Variants in RBBP8 observed in about 807,000 individuals in gnomAD.
RBBP8 encodes RB binding protein 8, endonuclease.
In RBBP8, 88 loss-of-function variants were observed where a neutral mutation model predicts 108.3. That is an observed-to-expected ratio of 0.81 (90% CI 0.68 to 0.97). The LOEUF (loss-of-function observed/expected upper bound fraction) is 0.97, where lower values mean the gene tolerates loss of function less well. RBBP8 is among the 50% of genes least tolerant of loss of function. The pLI, the probability that RBBP8 is intolerant of heterozygous loss-of-function variation, is 0.00. For synonymous variants in RBBP8, 332 were observed against 348.2 expected (o/e 0.95, Z 0.52); for missense variants, 1,023 against 1,049.0 (o/e 0.98, Z 0.34).
intron 5 of RBBP8, among the ~76,000 whole-genome samples, chr18:22,973,799 G>T (rs1914298496): frequency 6.6e-6 from 1 of 152,000 alleles, no homozygotes; most frequent in Admixed American, 6.6e-5. Context: ...TTTGATGAAT[G>T]CCTTCCTGAT....
At position 22,982,335 on chromosome 18, in the gene RBBP8, C is replaced by G; in HGVS notation, c.546C>G (p.Pro182=). 3 of 1,614,142 alleles carry G rather than the reference C, an allele frequency of 1.9e-6. No individual in the cohort carries two copies. The highest frequency in any genetic ancestry group is 1.3e-5 in the African/African-American group (1 of 75,056). Residue 182 remains proline, a synonymous_variant, in exon 7 of 19, where the codon CCC becomes CCG. Transcript: ENST00000327155. ...GVNRLRRKEN[P]HVRYIEQTHT... ...ACCGGCTACGAAGAAAGGAGAACCC[C>G]CATGTCCGATACATAGAACAAACAC... is the stretch of plus-strand genomic sequence containing the variant.
At chr18:22,972,813 AT>A (rs931051343) in intron 5 of RBBP8, among the ~76,000 whole-genome samples, 2 of 152,138 alleles carry the variant, frequency 1.3e-5, no homozygotes, top group African/African-American at 4.8e-5. Context: ...CAAGCTAGAT[AT>A]TTTTTTAAAA....
intron 6 of RBBP8, among the ~76,000 whole-genome samples, chr18:22,978,508 T>G (rs958730853): frequency 2.0e-5 from 3 of 151,788 alleles, no homozygotes; most frequent in Non-Finnish European, 4.4e-5. Context: ...CTAGTTTTGT[T>G]TGTTTTTTTG....
In RBBP8 at chr18:23,008,995, G is replaced by C. The variant is rs560750768; in HGVS notation, c.2357+2563G>C. Among the ~76,000 whole-genome samples the C allele has an allele frequency of 2.6e-5, 4 of 151,994 alleles. 1 individual carries two copies. The South Asian group carries it at 8.3e-4, about 32-fold the overall frequency. The stretch of plus-strand genomic sequence containing the variant: ...TCACCGTGTTAGCCAGGATGGTCTC[G>C]ATCTCCTGACCTCGTGATCCACCCG... On this transcript the variant is annotated intron_variant, in intron 16 of 18. Transcript: ENST00000327155.
intron 2 of RBBP8, among the ~76,000 whole-genome samples, chr18:22,945,760 A>G (rs1445180568): frequency 6.6e-6 from 1 of 152,082 alleles, no homozygotes; most frequent in Non-Finnish European, 1.5e-5. Flanking sequence ...TTTGACTTAT[A>G]TTTAGTTGCT....
intron 17 of RBBP8, among the ~76,000 whole-genome samples, chr18:23,017,355 C>CAA (rs770526045): frequency 8.8e-5 from 8 of 90,622 alleles, no homozygotes; most frequent in African/African-American, 8.4e-5. Context: ...AACTTGGTCT[C>CAA]AAAAAAAAAA....
chr18:22,937,020 T>A, intron 2 of RBBP8, 60 bp downstream of exon 2: 1 of 1,604,442 alleles, frequency 6.2e-7, no homozygotes, highest in Non-Finnish European at 8.5e-7. Flanking sequence ...TGGCTTTGTA[T>A]ACCTTTGTAT....
intron 15 of RBBP8, among the ~76,000 whole-genome samples, chr18:23,006,130 G>C (rs1012787680): frequency 1.3e-5 from 2 of 151,706 alleles, no homozygotes; most frequent in African/African-American, 4.8e-5. Flanking sequence ...AGCTTGCAGT[G>C]AGCAGAGATT....
At chr18:22,997,565 T>C (rs2045880853) in intron 13 of RBBP8, 55 bp from the exon 14 acceptor site, 3 of 1,072,410 alleles carry the variant, frequency 2.8e-6, no homozygotes, top group South Asian at 1.4e-5. Flanking sequence ...AAATTAAATA[T>C]AAGACCATAA....
At chr18:22,982,139 C>G in intron 6 of RBBP8, 79 bp from the exon 7 acceptor site, 1 of 1,456,032 alleles carries the variant, frequency 6.9e-7, no homozygotes. Flanking sequence ...TGTTTGTGTT[C>G]TACTGTAACT....
At chr18:22,996,933 G>C (rs1039845017) in intron 13 of RBBP8, among the ~76,000 whole-genome samples, 5 of 152,162 alleles carry the variant, frequency 3.3e-5, no homozygotes, top group African/African-American at 1.2e-4. Context: ...AGGAATTCGA[G>C]GCTGCAGTGA....
At chr18:22,932,706 T>C (rs996112905), upstream of RBBP8, among the ~76,000 whole-genome samples, 4 of 152,200 alleles carry the variant, frequency 2.6e-5, no homozygotes, top group South Asian at 2.1e-4. Flanking sequence ...TCAGGAGAAA[T>C]AGGAATACCT....
intron 2 of RBBP8, among the ~76,000 whole-genome samples, chr18:22,940,528 G>A (rs1158936367): frequency 1.3e-5 from 2 of 151,954 alleles, no homozygotes; most frequent in Non-Finnish European, 2.9e-5. Context: ...CACTGTGTTA[G>A]CCAGGATGGT....
At chr18:23,009,069 G>A (rs1483608805) in intron 16 of RBBP8, among the ~76,000 whole-genome samples, 4 of 151,976 alleles carry the variant, frequency 2.6e-5, no homozygotes, top group East Asian at 1.9e-4. Context: ...CACCTCACCC[G>A]GCCATATCAC....
In RBBP8 at chr18:22,962,067, C is replaced by T. The variant is rs148185459; in HGVS notation, c.249-6739C>T. Among the ~76,000 whole-genome samples, 68 of 152,306 alleles carry T rather than the reference C, an allele frequency of 4.5e-4. 4 individuals carry two copies. Among genetic ancestry groups the T allele is most frequent in the African/African-American group, 1.5e-3 (64 of 41,576 alleles). On this transcript the variant is annotated intron_variant, in intron 4 of 18. Transcript: ENST00000327155. ...CACTCCCTTCTTAGGTAACACATTC[C>T]ATCCTTAAATACTGTAATTGGAAAG... is the stretch of plus-strand genomic sequence containing the variant.
At chr18:22,946,574 G>A in intron 3 of RBBP8, 88 bp downstream of exon 3, 1 of 1,554,100 alleles carries the variant, frequency 6.4e-7, no homozygotes, top group South Asian at 1.2e-5. Context: ...AGTTGATACT[G>A]ATGTCCAATT....
intron 7 of RBBP8, among the ~76,000 whole-genome samples, chr18:22,983,719 A>G (rs1251839122): frequency 6.6e-6 from 1 of 152,234 alleles, no homozygotes; most frequent in East Asian, 1.9e-4. Flanking sequence ...TGTTCTGATC[A>G]TTTTTTACTT....
intron 13 of RBBP8, among the ~76,000 whole-genome samples, chr18:22,996,734 T>C (rs1295257473): frequency 1.3e-5 from 2 of 151,950 alleles, no homozygotes; most frequent in African/African-American, 4.8e-5. Flanking sequence ...CAGTGGCTCA[T>C]GCCTGTAATC....
intron 2 of RBBP8, among the ~76,000 whole-genome samples, chr18:22,943,437 A>AAAT (rs914309108): frequency 8.6e-5 from 13 of 151,902 alleles, no homozygotes; most frequent in African/African-American, 9.7e-5. Flanking sequence ...CCTGTCTCAA[A>AAAT]AATAATAATA....
Sources: allele counts gnomAD v4.1 joint callset (sites outside exome capture counted in the v4.1 genomes callset), GRCh38; gene constraint gnomAD v4.1.1; transcripts MANE v1.5; gene names NCBI Gene and HGNC (gene_info 2026-07-23, HGNC 2026-07-21).